The following PDE7A variants were observed in gnomAD, a reference collection of about 807,000 sequenced individuals.
The protein encoded by PDE7A is high affinity 3',5'-cyclic-AMP phosphodiesterase 7A.
In PDE7A, 39 loss-of-function variants were observed where a neutral mutation model predicts 64.3. The ratio of observed to expected loss-of-function variants is 0.61; its 90% CI spans 0.47 to 0.79. The LOEUF (loss-of-function observed/expected upper bound fraction) is 0.79. Among genes scored for constraint, PDE7A ranks in the 30% least tolerant of loss-of-function variants. PDE7A has a pLI of 0.00. For missense variants in PDE7A, 470 were observed against 582.8 expected (o/e 0.81, Z 1.99); for synonymous variants, 203 against 206.8 (o/e 0.98, Z 0.16).
At chr8:65,782,283 T>C (rs1230490358) in intron 2 of PDE7A, among the ~76,000 whole-genome samples, 1 of 152,172 alleles carries the variant, frequency 6.6e-6, no homozygotes, top group Non-Finnish European at 1.5e-5. Context: ...ATTAGACATA[T>C]ATACGCACAT....
chr8:65,808,139 T>C (rs902107528), intron 1 of PDE7A, among the ~76,000 whole-genome samples: 2 of 152,180 alleles, frequency 1.3e-5, no homozygotes, highest in Non-Finnish European at 2.9e-5. Flanking sequence ...TATTGAAGTA[T>C]AGAGAAGACT....
At chr8:65,837,580 A>G (rs765900917) in intron 1 of PDE7A, among the ~76,000 whole-genome samples, 8 of 152,266 alleles carry the variant, frequency 5.3e-5, no homozygotes, top group Non-Finnish European at 7.3e-5. Context: ...AGGTTTGTGT[A>G]CACTGACCCA....
At chr8:65,797,488 AAG>A (rs1289785018) in intron 1 of PDE7A, among the ~76,000 whole-genome samples, 12 of 152,090 alleles carry the variant, frequency 7.9e-5, no homozygotes, top group Admixed American at 7.9e-4. Flanking sequence ...TCCGGGGGGC[AAG>A]GCCTTGGCTG....
At chr8:65,741,343 A>G (rs779882143) in intron 5 of PDE7A, among the ~76,000 whole-genome samples, 4 of 152,206 alleles carry the variant, frequency 2.6e-5, no homozygotes, top group Non-Finnish European at 4.4e-5. Flanking sequence ...TAAAAGACAT[A>G]CTAGTCCCAA....
At chr8:65,726,729 A>G (rs948032039) in intron 9 of PDE7A, 146 bp downstream of exon 9, 32 of 519,664 alleles carry the variant, frequency 6.2e-5, no homozygotes, top group Middle Eastern at 5.1e-4. Flanking sequence ...CTAAATTACT[A>G]AAATTGTATA....
chr8:65,818,291 G>A (rs1184771035), intron 1 of PDE7A, among the ~76,000 whole-genome samples: 7 of 151,964 alleles, frequency 4.6e-5, no homozygotes, highest in Admixed American at 4.6e-4. Flanking sequence ...TAAACCTAGG[G>A]ATTTTAGATA....
chr8:65,722,128 G>T (rs1282152242), intron 12 of PDE7A: 2 of 152,192 alleles, frequency 1.3e-5, no homozygotes, highest in African/African-American at 4.8e-5. Context: ...TGCATTTGAA[G>T]ATTATTCTAC....
intron 1 of PDE7A, among the ~76,000 whole-genome samples, chr8:65,789,517 A>G (rs1215646168): frequency 6.6e-6 from 1 of 152,144 alleles, no homozygotes; most frequent in Non-Finnish European, 1.5e-5. Flanking sequence ...AGAGGCTGTC[A>G]TATTATCTAT....
intron 1 of PDE7A, among the ~76,000 whole-genome samples, chr8:65,809,476 A>C (rs1422170425): frequency 6.6e-6 from 1 of 152,238 alleles, no homozygotes; most frequent in Non-Finnish European, 1.5e-5. Flanking sequence ...GCATTACCAC[A>C]ACATGACACT....
In PDE7A at chr8:65,841,541, C is replaced by G; in HGVS notation, c.-33G>C. On this transcript the variant is annotated 5_prime_UTR_variant, in exon 1 of 13. Coordinates refer to ENST00000401827, the MANE Select transcript of PDE7A (RefSeq NM_001242318.3). Reference sequence around the variant, plus strand: ...GCCCGCCCTGCCTCCGCGCGGCGCCCGCCCTGCCGCGGCCGCCGGCCCCTG... The same window carrying G: ...GCCCGCCCTGCCTCCGCGCGGCGCCGGCCCTGCCGCGGCCGCCGGCCCCTG... The G allele has an allele frequency of 1.1e-5, 15 of 1,387,438 alleles. No homozygotes were observed. The highest frequency in any genetic ancestry group is 1.4e-5 in the Non-Finnish European group (15 of 1,068,240). 85.9% of individuals were successfully genotyped at this position (1,387,438 alleles called of 1,614,324 possible). A position where few individuals can be genotyped will look rare whatever the true frequency, so the allele number is the denominator to read the frequency against.
chr8:65,739,601 AAAAG>A lies in PDE7A; in HGVS notation c.500-8_500-5del, dbSNP rs1225850610. 4.3e-5 allele frequency: 65 copies of A among 1,510,620 alleles called. No homozygotes were observed. The highest frequency in any genetic ancestry group is 2.0e-4 in the East Asian group (8 of 40,238). 93.6% of individuals were successfully genotyped at this position (1,510,620 alleles called of 1,614,324 possible). ...GTTAAGCTTACTAGACTATTTCCTA[AAAAG>A]AAAGAAGAGACATTACATTAGTAGG... On this transcript the variant is annotated splice_polypyrimidine_tract_variant and splice_region_variant and intron_variant, in intron 5 of 12. Transcript: ENST00000401827.
chr8:65,772,397 G>A (rs957888995), intron 3 of PDE7A, among the ~76,000 whole-genome samples: 2 of 152,154 alleles, frequency 1.3e-5, no homozygotes, highest in Non-Finnish European at 2.9e-5. Context: ...ACCTCTGAAG[G>A]TTTAAACACA....
intron 3 of PDE7A, among the ~76,000 whole-genome samples, chr8:65,777,075 T>C (rs1023791900): frequency 7.0e-6 from 1 of 143,348 alleles, no homozygotes; most frequent in Non-Finnish European, 1.5e-5. Context: ...TTTTATCAAA[T>C]GCTTTTTTTT....
intron 3 of PDE7A, among the ~76,000 whole-genome samples, chr8:65,755,024 ATT>A (rs113923652): frequency 1.5e-4 from 20 of 136,804 alleles, no homozygotes; most frequent in East Asian, 2.2e-4. Flanking sequence ...TTTTTCACTT[ATT>A]TTTTTTTTTT....
At chr8:65,830,614 T>C (rs1238086382) in intron 1 of PDE7A, among the ~76,000 whole-genome samples, 1 of 152,160 alleles carries the variant, frequency 6.6e-6, no homozygotes, top group Non-Finnish European at 1.5e-5. Flanking sequence ...AAAATTTTAC[T>C]TTAATACTTA....
At chr8:65,809,579 G>C (rs896136842) in intron 1 of PDE7A, among the ~76,000 whole-genome samples, 8 of 152,156 alleles carry the variant, frequency 5.3e-5, no homozygotes, top group Non-Finnish European at 1.2e-4. Context: ...TACAGAATGG[G>C]AGAAAATTTT....
chr8:65,813,027 G>A lies in PDE7A; in HGVS notation c.138+28344C>T, dbSNP rs571977453. On this transcript the variant is annotated intron_variant, in intron 1 of 12. Transcript: ENST00000401827. ...ACTTGCTCAGGAACTAAACAGATTT[G>A]GATAACACCATATCCCTCACCATTT... Among the ~76,000 whole-genome samples, 38 of 152,242 alleles carry A rather than the reference G, an allele frequency of 2.5e-4. 2 individuals are homozygous for A. The South Asian group carries it at 7.3e-3, about 29-fold the overall frequency.
chr8:65,747,627 GTTTTC>G lies in PDE7A; in HGVS notation c.435+20_435+24del. On this transcript the variant is annotated intron_variant, in intron 4 of 12. Coordinates refer to ENST00000401827, the MANE Select transcript of PDE7A (RefSeq NM_001242318.3). ...TCAGTAAACTTATCAAAAAATTAATGTTTTCTTAAAAAAACTATACACACCTTGGC... is the reference window on the plus strand; with the variant it reads ...TCAGTAAACTTATCAAAAAATTAATGTTAAAAAAACTATACACACCTTGGC... 1.3e-6 allele frequency: 2 copies of G among 1,504,010 alleles called. No individual in the cohort carries two copies. Among genetic ancestry groups the G allele is most frequent in the East Asian group, 4.6e-5 (2 of 43,474 alleles). The allele number at this position is 1,504,010 out of a possible 1,614,324, so 93.2% of individuals were successfully genotyped here. A position where few individuals can be genotyped will look rare whatever the true frequency, so the allele number is the denominator to read the frequency against.
chr8:65,838,599 A>G (rs1200311163), intron 1 of PDE7A: 1 of 152,224 alleles, frequency 6.6e-6, no homozygotes, highest in African/African-American at 2.4e-5. Context: ...TTTAAAAACA[A>G]AAAAACAGTA....
Sources: gnomAD v4.1 joint callset for allele counts (sites outside exome capture counted in the v4.1 genomes callset) on GRCh38, gnomAD v4.1.1 for gene constraint, MANE v1.5 for transcripts, NCBI Gene and HGNC (gene_info 2026-07-23, HGNC 2026-07-21) for gene names.